Variants in XXYLT1 observed in about 807,000 individuals in gnomAD.
The protein encoded by XXYLT1 is xyloside xylosyltransferase 1, also known as UDP-xylose:alpha-xyloside alpha-1,3-xylosyltransferase.
XXYLT1 carries 20 observed loss-of-function variants against 28.9 expected under a neutral mutation model. The ratio of observed to expected loss-of-function variants is 0.69; its 90% CI spans 0.49 to 1.00. The LOEUF (loss-of-function observed/expected upper bound fraction) is 1.00, where lower values mean the gene tolerates loss of function less well. Among genes scored for constraint, XXYLT1 ranks in the 50% least tolerant of loss-of-function variants. The pLI is 0.00. For synonymous variants in XXYLT1, 257 were observed against 253.8 expected (o/e 1.01, Z -0.12); for missense variants, 542 against 560.1 (o/e 0.97, Z 0.33).
At chr3:195,234,079 G>C (rs1469941783) in intron 1 of XXYLT1, among the ~76,000 whole-genome samples, 1 of 150,156 alleles carries the variant, frequency 6.7e-6, no homozygotes, top group East Asian at 2.0e-4. Context: ...ACTACGCCCA[G>C]CTAATTTTTT....
At chr3:195,105,033 T>C (rs1288621356) in intron 3 of XXYLT1, among the ~76,000 whole-genome samples, 2 of 152,260 alleles carry the variant, frequency 1.3e-5, no homozygotes, top group African/African-American at 4.8e-5. Context: ...GCCCTGGGGA[T>C]AGTGGTGTGG....
At chr3:195,242,468 G>A (rs562986780) in intron 1 of XXYLT1, among the ~76,000 whole-genome samples, 3 of 152,082 alleles carry the variant, frequency 2.0e-5, no homozygotes, top group Non-Finnish European at 4.4e-5. Flanking sequence ...TTGGTCTTGC[G>A]CCAACAGGAT....
intron 1 of XXYLT1, among the ~76,000 whole-genome samples, chr3:195,250,951 C>T (rs1362816126): frequency 1.3e-5 from 2 of 152,212 alleles, no homozygotes; most frequent in African/African-American, 4.8e-5. Flanking sequence ...CTTAAAAATG[C>T]TCATCTCAAA....
rs1413860592 is a variant in XXYLT1, at chr3:195,124,478, TC to T, written c.785+31970del. Among the ~76,000 whole-genome samples, 1 of 152,166 alleles carries T rather than the reference TC, an allele frequency of 6.6e-6. No homozygotes were observed. The highest frequency in any genetic ancestry group is 1.9e-4 in the East Asian group (1 of 5,194). The stretch of plus-strand genomic sequence containing the variant: ...GGCCTGGCACAGAATAACTTTGTTT[TC>T]CCCTGATAATTTGTCTAGTGTTTCT... On this transcript the variant is annotated intron_variant, in intron 3 of 3. Coordinates refer to ENST00000310380, the MANE Select transcript of XXYLT1 (RefSeq NM_152531.5). This position sits in a 1 kb window ranked among gnomAD's most constrained non-coding sequence, Gnocchi z 4.1.
chr3:195,252,696 A>G (rs1415462619), intron 1 of XXYLT1, among the ~76,000 whole-genome samples: 2 of 109,352 alleles, frequency 1.8e-5, no homozygotes, highest in Non-Finnish European at 3.5e-5. Flanking sequence ...AAAAAACCAC[A>G]CACACACACA....
intron 3 of XXYLT1, among the ~76,000 whole-genome samples, chr3:195,125,445 C>T (rs1044377490): frequency 3.3e-5 from 5 of 152,206 alleles, no homozygotes; most frequent in Non-Finnish European, 5.9e-5. Flanking sequence ...CAGCCCTAGC[C>T]TGTCCACCGG....
At chr3:195,159,571 G>C (rs556442952) in intron 2 of XXYLT1, among the ~76,000 whole-genome samples, 1 of 152,280 alleles carries the variant, frequency 6.6e-6, no homozygotes, top group East Asian at 1.9e-4. Flanking sequence ...TCATCCCATG[G>C]AAATATCAGC....
chr3:195,119,279 A>T (rs536754873), intron 3 of XXYLT1, among the ~76,000 whole-genome samples: 39 of 124,362 alleles, frequency 3.1e-4, no homozygotes, highest in African/African-American at 1.2e-3. Context: ...GCGAGACTCC[A>T]TCTCAAACAA....
chr3:195,172,171 A>T (rs1213809759), intron 2 of XXYLT1, among the ~76,000 whole-genome samples: 2 of 152,218 alleles, frequency 1.3e-5, no homozygotes, highest in Non-Finnish European at 2.9e-5. Flanking sequence ...AGCCCAGGCG[A>T]TCTGGGATTT....
intron 1 of XXYLT1, among the ~76,000 whole-genome samples, chr3:195,232,207 T>A (rs1245702387): frequency 6.6e-6 from 1 of 152,224 alleles, no homozygotes; most frequent in Non-Finnish European, 1.5e-5. Flanking sequence ...ATCCTTTGAA[T>A]TTATGCAGTA....
intron 3 of XXYLT1, chr3:195,122,244 G>A (rs192309333): frequency 8.7e-6 from 6 of 693,020 alleles, no homozygotes; most frequent in Admixed American, 2.0e-5. Flanking sequence ...ATCACACTGG[G>A]GGTTAGGATT....
chr3:195,255,783 C>T lies in XXYLT1; in HGVS notation c.504+14772G>A, dbSNP rs999068382. ...AAGTTGCTTGGCCTCTCTGGGCCCC[C>T]GTTTTCTCATGGATAACATGAATAG... On this transcript the variant is annotated intron_variant, in intron 1 of 3. Transcript: ENST00000310380. This position sits in a 1 kb window ranked among gnomAD's most constrained non-coding sequence, Gnocchi z 4.5. 3.3e-5 allele frequency among the ~76,000 whole-genome samples: 5 copies of T among 151,926 alleles called. No homozygotes were observed. The highest frequency in any genetic ancestry group is 6.6e-5 in the Admixed American group (1 of 15,242).
intron 3 of XXYLT1, among the ~76,000 whole-genome samples, chr3:195,140,205 CGATTCCTT>C (rs1395768529): frequency 6.6e-6 from 1 of 152,222 alleles, no homozygotes; most frequent in Admixed American, 6.5e-5. Flanking sequence ...ATCTCAACTT[CGATTCCTT>C]GATTCCTTCT....
At chr3:195,229,335 T>G (rs1190388992) in intron 1 of XXYLT1, among the ~76,000 whole-genome samples, 4 of 152,320 alleles carry the variant, frequency 2.6e-5, no homozygotes, top group Admixed American at 2.6e-4. Flanking sequence ...TGCATAATAA[T>G]CATATCAAGG....
chr3:195,252,480 G>A (rs1373043141), intron 1 of XXYLT1, among the ~76,000 whole-genome samples: 7 of 151,848 alleles, frequency 4.6e-5, no homozygotes, highest in South Asian at 2.1e-4. Flanking sequence ...AAAATATATC[G>A]TGAGAGGCAA....
chr3:195,218,934 G>C (rs1723697847), intron 2 of XXYLT1, among the ~76,000 whole-genome samples: 1 of 151,712 alleles, frequency 6.6e-6, no homozygotes, highest in Non-Finnish European at 1.5e-5. Flanking sequence ...AACAATGATA[G>C]ACTGGATTAA....
At chr3:195,110,572 G>C (rs1717594118) in intron 3 of XXYLT1, among the ~76,000 whole-genome samples, 1 of 112,890 alleles carries the variant, frequency 8.9e-6, no homozygotes, top group African/African-American at 3.6e-5. Context: ...TGTATGTGGT[G>C]TGTTGTGTGG....
At chr3:195,236,370 C>T (rs886930023) in intron 1 of XXYLT1, among the ~76,000 whole-genome samples, 7 of 152,150 alleles carry the variant, frequency 4.6e-5, no homozygotes, top group Non-Finnish European at 5.9e-5. Context: ...CTCCCTGTGT[C>T]CAGTACCACC....
chr3:195,204,476 A>ACTCTCTCTCTCTCTCTCTCTCTCT (rs61196221), intron 2 of XXYLT1, among the ~76,000 whole-genome samples: 8 of 125,862 alleles, frequency 6.4e-5, no homozygotes, highest in African/African-American at 2.2e-4. Context: ...TCACTCTCTC[A>ACTCTCTCTCTCTCTCTCTCTCTCT]CTCTCTCTCT....
Sources: allele counts gnomAD v4.1 joint callset (sites outside exome capture counted in the v4.1 genomes callset), GRCh38; gene constraint gnomAD v4.1.1; non-coding constraint Gnocchi (gnomAD v3.1); transcripts MANE v1.5; gene names NCBI Gene and HGNC (gene_info 2026-07-23, HGNC 2026-07-21).